The following ECI2 variants were observed in gnomAD, a reference collection of about 807,000 sequenced individuals.
ECI2 encodes the protein enoyl-CoA delta isomerase 2.
In ECI2, 27 loss-of-function variants were observed where a neutral mutation model predicts 38.4. The ratio of observed to expected loss-of-function variants is 0.70; its 90% CI spans 0.52 to 0.97. The LOEUF is 0.97. ECI2 is among the 50% of genes least tolerant of loss of function. The pLI is 0.00. For synonymous variants in ECI2, 168 were observed against 172.0 expected, an observed-to-expected ratio of 0.98 and a Z score of 0.18; for missense variants, 470 against 474.4, an observed-to-expected ratio of 0.99 and a Z score of 0.09.
intron 7 of ECI2, among the ~76,000 whole-genome samples, chr6:4,122,888 G>A (rs1772899912): frequency 1.3e-5 from 2 of 152,190 alleles, no homozygotes; most frequent in Admixed American, 6.5e-5. Context: ...TGTGAATAGA[G>A]TGCCTAAACA....
intron 7 of ECI2, among the ~76,000 whole-genome samples, chr6:4,120,652 G>A (rs950597662): frequency 1.3e-5 from 2 of 151,888 alleles, no homozygotes; most frequent in African/African-American, 4.8e-5. Flanking sequence ...GCTTGAACCC[G>A]GGAGGAGGAG....
intron 6 of ECI2, 101 bp from the exon 7 acceptor site, chr6:4,125,471 G>T: frequency 6.5e-7 from 1 of 1,534,862 alleles, no homozygotes; most frequent in East Asian, 2.3e-5. Flanking sequence ...CTGTCAGGCT[G>T]GGTGTTTCCA....
chr6:4,117,525 AGG>A, intron 8 of ECI2, 74 bp from the exon 9 acceptor site: 1 of 1,551,002 alleles, frequency 6.4e-7, no homozygotes, highest in Non-Finnish European at 8.7e-7. Context: ...TGCTTTCAGG[AGG>A]CTTAGAGAGA....
chr6:4,120,912 G>A (rs1230644921), intron 7 of ECI2, among the ~76,000 whole-genome samples: 4 of 152,180 alleles, frequency 2.6e-5, no homozygotes, highest in African/African-American at 9.7e-5. Flanking sequence ...CAAAAAGGCA[G>A]TTAGGAACAC....
chr6:4,133,934 G>A (rs1157491659), intron 1 of ECI2, among the ~76,000 whole-genome samples: 3 of 152,212 alleles, frequency 2.0e-5, no homozygotes, highest in Non-Finnish European at 4.4e-5. Context: ...AAAAGGAAAA[G>A]TAACCATCCA....
chr6:4,119,427 T>A, intron 7 of ECI2, 152 bp from the exon 8 acceptor site: 1 of 544,926 alleles, frequency 1.8e-6, no homozygotes, highest in South Asian at 2.1e-5. Flanking sequence ...TTCAAGCGAT[T>A]CTCCTGCCTC....
chr6:4,122,101 A>G, intron 7 of ECI2: 2 of 1,126,270 alleles, frequency 1.8e-6, no homozygotes, highest in Admixed American at 2.1e-5. Context: ...TCAGAAAGAG[A>G]GCAGCAGGTG....
intron 2 of ECI2, among the ~76,000 whole-genome samples, chr6:4,132,105 G>C (rs1193413946): frequency 1.3e-5 from 2 of 152,146 alleles, no homozygotes; most frequent in Non-Finnish European, 2.9e-5. Flanking sequence ...AAGACACCCA[G>C]AACTCACTGC....
At chr6:4,127,477 C>T (rs780762725) in intron 5 of ECI2, among the ~76,000 whole-genome samples, 6 of 134,100 alleles carry the variant, frequency 4.5e-5, no homozygotes, top group East Asian at 2.3e-4. Flanking sequence ...TGCAGTGGCG[C>T]GACCTCGGGT....
intron 2 of ECI2, 77 bp downstream of exon 2, chr6:4,133,472 A>C: frequency 4.6e-6 from 7 of 1,509,236 alleles, no homozygotes; most frequent in Non-Finnish European, 6.2e-6. Context: ...GCCACATTTT[A>C]GTAAACACAC....
In ECI2 at chr6:4,133,454, A is replaced by G. The variant is rs535089577; in HGVS notation, c.213+95T>C. The G allele has an allele frequency of 5.8e-4, 853 of 1,464,254 alleles. 7 individuals carry two copies. The South Asian group carries it at 0.011, about 19-fold the overall frequency. 90.7% of individuals were successfully genotyped at this position (1,464,254 alleles called of 1,614,324 possible). ...AGAAGAGGGAGCAAGACAAACCAAA[A>G]TGTTAAGGCCACATTTTAGTAAACA... On this transcript the variant is annotated intron_variant, in intron 2 of 9. Coordinates refer to ENST00000380118, the MANE Select transcript of ECI2 (RefSeq NM_206836.3).
In ECI2 at chr6:4,135,555, C is replaced by T; in HGVS notation, c.6G>A (p.Ala2=). 1 of 1,604,934 alleles carries T rather than the reference C, an allele frequency of 6.2e-7. No homozygotes were observed. Among genetic ancestry groups the T allele is most frequent in the Non-Finnish European group, 8.5e-7 (1 of 1,176,074 alleles). The change falls in exon 1 of 10, where the codon GCG becomes GCA. Residue 2 remains alanine, a synonymous_variant. Transcript: ENST00000380118. ...CCAGTCTCCAAGCCAAGTACGCCATCGCCATCCCTTGGGCGGCTCTAGGGC... is the reference window on the plus strand; with the variant it reads ...CCAGTCTCCAAGCCAAGTACGCCATTGCCATCCCTTGGGCGGCTCTAGGGC... M[A]MAYLAWRLAR...
intron 2 of ECI2, among the ~76,000 whole-genome samples, chr6:4,132,762 CTCTT>C (rs552625811): frequency 6.3e-4 from 96 of 152,268 alleles, no homozygotes; most frequent in East Asian, 1.7e-3. Flanking sequence ...ATCTCTCTCT[CTCTT>C]TATTTTCTTT....
At chr6:4,126,515 C>G (rs1021772368) in intron 5 of ECI2, among the ~76,000 whole-genome samples, 9 of 152,184 alleles carry the variant, frequency 5.9e-5, no homozygotes, top group Non-Finnish European at 1.0e-4. Flanking sequence ...CAGGAAAGAA[C>G]TTTCCTAAGG....
intron 8 of ECI2, chr6:4,118,922 G>C: frequency 3.0e-6 from 1 of 331,422 alleles, no homozygotes; most frequent in Non-Finnish European, 5.6e-6. Flanking sequence ...GCTGCTTGCA[G>C]TGCAGCTAGC....
intron 7 of ECI2, among the ~76,000 whole-genome samples, chr6:4,120,789 C>T (rs1349769325): frequency 6.6e-6 from 1 of 151,906 alleles, no homozygotes; most frequent in African/African-American, 2.4e-5. Context: ...ATGCAGTCTG[C>T]CATTGACTAA....
chr6:4,130,352 C>G lies in ECI2; in HGVS notation c.501+20G>C. The stretch of plus-strand genomic sequence containing the variant: ...AGAAGAAAGTAAAACAGGACAAACT[C>G]CGTGGGCAGGTAACATTACCTCAGT... On this transcript the variant is annotated intron_variant, in intron 4 of 9. Transcript: ENST00000380118. 1.9e-6 allele frequency: 3 copies of G among 1,614,134 alleles called. No homozygotes were observed. Among genetic ancestry groups the G allele is most frequent in the Non-Finnish European group, 2.5e-6 (3 of 1,179,994 alleles).
At chr6:4,119,112 A>G in intron 8 of ECI2, 74 bp downstream of exon 8, 1 of 1,203,572 alleles carries the variant, frequency 8.3e-7, no homozygotes, top group Non-Finnish European at 1.2e-6. Context: ...AAGAAGGGAG[A>G]GTATATGAGA....
intron 1 of ECI2, chr6:4,135,257 T>C: frequency 1.8e-6 from 2 of 1,123,810 alleles, no homozygotes; most frequent in Non-Finnish European, 2.5e-6. Context: ...GCGGAGACCT[T>C]GGGGACTGCT....
Sources: allele counts gnomAD v4.1 joint callset (sites outside exome capture counted in the v4.1 genomes callset), GRCh38; gene constraint gnomAD v4.1.1; transcripts MANE v1.5; gene names NCBI Gene and HGNC (gene_info 2026-07-23, HGNC 2026-07-21).